ANKS1A: variants seen among roughly 807,000 people sequenced by gnomAD.
ANKS1A encodes the protein ankyrin repeat and SAM domain-containing protein 1A.
A neutral mutation model predicts 120.3 loss-of-function variants in ANKS1A; 55 were observed. That is an observed-to-expected ratio of 0.46 (90% CI 0.37 to 0.57). ANKS1A has a LOEUF of 0.57. Ranked by LOEUF, ANKS1A falls within the 20% of genes least tolerant of loss-of-function variation. The probability of loss-of-function intolerance (pLI) is 0.00; values close to 1 mark genes in which losing one functional copy is unlikely to be tolerated. For missense variants in ANKS1A, 1,123 were observed against 1,480.3 expected (o/e 0.76, Z 3.96); for synonymous variants, 590 against 604.7 (o/e 0.98, Z 0.36).
intron 9 of ANKS1A, among the ~76,000 whole-genome samples, chr6:34,991,384 A>G (rs1772499980): frequency 6.6e-6 from 1 of 152,094 alleles, no homozygotes. Context: ...GATATGCTAA[A>G]TATTCATGGA....
At chr6:34,986,095 TA>T (rs1337902342) in intron 8 of ANKS1A, among the ~76,000 whole-genome samples, 4 of 152,188 alleles carry the variant, frequency 2.6e-5, no homozygotes, top group Non-Finnish European at 4.4e-5. Flanking sequence ...TCATCTAACA[TA>T]AAGGCTGTTT....
chr6:35,044,984 A>G lies in ANKS1A; in HGVS notation c.2011-9115A>G, dbSNP rs1581693929. ...GGCATCTGGTCAAGTTACAGAGGGAAACAGGCACAGTATCTCCTGCTATGG... is the reference window on the plus strand; with the variant it reads ...GGCATCTGGTCAAGTTACAGAGGGAGACAGGCACAGTATCTCCTGCTATGG... On this transcript the variant is annotated intron_variant, in intron 11 of 23. Transcript: ENST00000360359. The surrounding 1 kb of genome is among the most constrained non-coding windows in gnomAD (Gnocchi z 4.4). 6.6e-6 allele frequency among the ~76,000 whole-genome samples: 1 copy of G among 152,184 alleles called. No homozygotes were observed. The highest frequency in any genetic ancestry group is 1.5e-5 in the Non-Finnish European group (1 of 68,038).
chr6:35,028,954 C>G (rs939376165), intron 11 of ANKS1A, among the ~76,000 whole-genome samples: 3 of 152,110 alleles, frequency 2.0e-5, no homozygotes, highest in Non-Finnish European at 4.4e-5. Flanking sequence ...AGAGTTTGTG[C>G]GTGTTAAATT....
intron 10 of ANKS1A, among the ~76,000 whole-genome samples, chr6:35,007,198 CAGGA>C (rs758302854): frequency 6.6e-6 from 1 of 152,100 alleles, no homozygotes; most frequent in Non-Finnish European, 1.5e-5. Flanking sequence ...GCCTGGGGAC[CAGGA>C]ATGCTAAGCA....
In ANKS1A at chr6:34,985,221, A is replaced by C; in HGVS notation, c.1152A>C (p.Gln384His). The change falls in exon 8 of 24, where the codon CAA (glutamine) becomes CAC (histidine). Residue 384 changes from glutamine to histidine, a missense_variant. Physicochemically the swap from Gln to His is conservative, Grantham distance 24. This residue lies in a region of ANKS1A where 904 missense variants were observed against 1,130.4 expected (regional missense o/e 0.80). Coordinates refer to ENST00000360359, the MANE Select transcript of ANKS1A (RefSeq NM_015245.3). ...TGGCCAGCGGGCGATCATCTGACCA[A>C]GACTCCACGAACAAGGAGGCTGAGG... ...DSMASGRSSD[Q>H]DSTNKEAEAA... 6.2e-7 allele frequency: 1 copy of C among 1,614,222 alleles called. No individual in the cohort carries two copies. The highest frequency in any genetic ancestry group is 1.7e-5 in the Admixed American group (1 of 60,034).
rs2127586130 is a variant in ANKS1A at position 35,053,694 on chromosome 6, CAA to C, written c.2011-403_2011-402del. Among the ~76,000 whole-genome samples the C allele has an allele frequency of 2.0e-5, 3 of 152,346 alleles. No homozygotes were observed. In the South Asian group the frequency reaches 6.2e-4, roughly 32 times the overall value. On this transcript the variant is annotated intron_variant, in intron 11 of 23. Transcript: ENST00000360359. The stretch of plus-strand genomic sequence containing the variant: ...TCAGGGTAGCATGGAACAAAGCCGG[CAA>C]AGTCTTCACTCTCATGGAATTGAAA...
At chr6:35,073,958 C>T (rs932835653) in intron 13 of ANKS1A, among the ~76,000 whole-genome samples, 8 of 152,266 alleles carry the variant, frequency 5.3e-5, no homozygotes, top group East Asian at 1.9e-4. Flanking sequence ...CCCCGCGCTG[C>T]GCCCGGAATG....
At chr6:35,049,999 G>A (rs1249508738) in intron 11 of ANKS1A, among the ~76,000 whole-genome samples, 3 of 152,218 alleles carry the variant, frequency 2.0e-5, no homozygotes, top group South Asian at 4.2e-4. Context: ...TGTCATCTGC[G>A]TGGCTCTGCC....
At chr6:35,067,627 T>C (rs2127596132) in intron 13 of ANKS1A, among the ~76,000 whole-genome samples, 1 of 152,208 alleles carries the variant, frequency 6.6e-6, no homozygotes, top group South Asian at 2.1e-4. Flanking sequence ...AGAGGCAGGT[T>C]AAAGAAACAG....
At position 34,916,678 on chromosome 6, in the gene ANKS1A, T is replaced by C. The variant is rs187089778; in HGVS notation, c.197+27079T>C. ...GCCTCTGAAATATACCCTGTCCCTA[T>C]GTAACTTAAAAATAAAATTTTCAGA... On this transcript the variant is annotated intron_variant, in intron 1 of 23. Transcript: ENST00000360359. 3.9e-3 allele frequency among the ~76,000 whole-genome samples: 600 copies of C among 152,342 alleles called. 1 individual carries two copies. The highest frequency in any genetic ancestry group is 0.018 in the South Asian group (87 of 4,828).
chr6:35,020,329 AAACT>A (rs1331521827), intron 11 of ANKS1A, among the ~76,000 whole-genome samples: 3 of 152,250 alleles, frequency 2.0e-5, no homozygotes, highest in Non-Finnish European at 2.9e-5. Context: ...TATTATAAGT[AAACT>A]AGAGATGATT....
intron 9 of ANKS1A, among the ~76,000 whole-genome samples, chr6:34,989,939 C>T (rs1689185103): frequency 6.6e-6 from 1 of 152,156 alleles, no homozygotes; most frequent in African/African-American, 2.4e-5. Context: ...TTGTGTTTTC[C>T]TTAATCTTTC....
chr6:35,065,523 C>T (rs565691377), intron 13 of ANKS1A, among the ~76,000 whole-genome samples: 2 of 152,342 alleles, frequency 1.3e-5, no homozygotes, highest in East Asian at 3.9e-4. Context: ...AGCCAAACCC[C>T]GCATTGCGGG....
chr6:35,082,804 T>C lies in ANKS1A; in HGVS notation c.2823T>C (p.Gly941=). Reference sequence around the variant, plus strand: ...AGAAACTCATCTTCGAGTCCTGTGGTTATGAAGCCAATGTGAGTTGCTCCC... The same window carrying C: ...AGAAACTCATCTTCGAGTCCTGTGGCTATGAAGCCAATGTGAGTTGCTCCC... ...QPEKLIFESC[G]YEANYLGSML... Residue 941 remains glycine, a synonymous_variant, in exon 18 of 24, where the codon GGT becomes GGC. Transcript: ENST00000360359. The surrounding 1 kb of genome is among the most constrained non-coding windows in gnomAD (Gnocchi z 4.1). The C allele has an allele frequency of 6.2e-7, 1 of 1,613,308 alleles. No individual in the cohort carries two copies. The highest frequency in any genetic ancestry group is 1.3e-5 in the African/African-American group (1 of 74,990).
intron 1 of ANKS1A, among the ~76,000 whole-genome samples, chr6:34,919,813 C>A (rs752960001): frequency 2.6e-4 from 39 of 152,124 alleles, no homozygotes; most frequent in Non-Finnish European, 4.9e-4. Context: ...TTCTTGGCAA[C>A]TGTTAGTTAG....
intron 1 of ANKS1A, among the ~76,000 whole-genome samples, chr6:34,920,151 A>AT (rs1581693958): frequency 6.6e-6 from 1 of 152,040 alleles, no homozygotes; most frequent in East Asian, 1.9e-4. Context: ...CTGTTTTGTC[A>AT]TAAGTAAGGA....
At chr6:34,973,930 TCCCTTC>T (rs1162869541) in intron 3 of ANKS1A, among the ~76,000 whole-genome samples, 4 of 71,748 alleles carry the variant, frequency 5.6e-5, no homozygotes. Flanking sequence ...CCCTTCCCCT[TCCCTTC>T]CCCTTCCCCT....
rs367940164 is a variant in ANKS1A, at chr6:35,082,847, G to C, written c.2835+31G>C. ...TTGCTCCCACCCTCCCAGCAGGGCC[G>C]GCCTCCCTGCTCCTTCTCGGCCAGG... On this transcript the variant is annotated intron_variant, in intron 18 of 23. Transcript: ENST00000360359. The surrounding 1 kb of genome is among the most constrained non-coding windows in gnomAD (Gnocchi z 4.1). 6.3e-7 allele frequency: 1 copy of C among 1,596,770 alleles called. No homozygotes were observed. The highest frequency in any genetic ancestry group is 1.1e-5 in the South Asian group (1 of 87,564).
rs1775916311 is a variant in ANKS1A at position 35,050,503 on chromosome 6, T to A, written c.2011-3596T>A. On this transcript the variant is annotated intron_variant, in intron 11 of 23. Transcript: ENST00000360359. The surrounding 1 kb of genome is among the most constrained non-coding windows in gnomAD (Gnocchi z 4.3). The stretch of plus-strand genomic sequence containing the variant: ...GCAGACCATTTCTGGGAAAGCTGCC[T>A]GTTCAGATTTTTTTTTAACTTAAAG... Among the ~76,000 whole-genome samples the A allele has an allele frequency of 1.3e-5, 2 of 152,104 alleles. No individual in the cohort carries two copies. The highest frequency in any genetic ancestry group is 2.9e-5 in the Non-Finnish European group (2 of 67,912).
Sources: gnomAD v4.1 joint callset for allele counts (sites outside exome capture counted in the v4.1 genomes callset) on GRCh38, gnomAD v4.1.1 for gene constraint, gnomAD v4.1.1 regional missense constraint, Gnocchi (gnomAD v3.1) non-coding constraint, MANE v1.5 for transcripts, NCBI Gene and HGNC (gene_info 2026-07-23, HGNC 2026-07-21) for gene names.